Variants in RALGAPA1 observed in about 807,000 individuals in gnomAD.
The protein encoded by RALGAPA1 is Ral GTPase activating protein catalytic subunit alpha 1.
A neutral mutation model predicts 269.6 loss-of-function variants in RALGAPA1; 52 were observed. That is an observed-to-expected ratio of 0.19 (90% confidence interval 0.15 to 0.24). The LOEUF (loss-of-function observed/expected upper bound fraction) is 0.24. Ranked by LOEUF, RALGAPA1 falls within the 10% of genes least tolerant of loss-of-function variation. The pLI is 1.00. For missense variants in RALGAPA1, 1,917 were observed against 3,013.9 expected, an observed-to-expected ratio of 0.64 and a Z score of 8.52; for synonymous variants, 817 against 1,008.3, an observed-to-expected ratio of 0.81 and a Z score of 3.60.
At chr14:35,723,363 A>G (rs1453093739) in intron 14 of RALGAPA1, 99 bp from the exon 15 acceptor site, 1 of 654,322 alleles carries the variant, frequency 1.5e-6, no homozygotes, top group African/African-American at 1.8e-5. Flanking sequence ...AAAACAAGCA[A>G]CATTTAAAAT....
At chr14:35,638,652 C>T (rs4982297) in intron 31 of RALGAPA1, among the ~76,000 whole-genome samples, 151,590 of 152,276 alleles carry the variant, frequency 1, 75,454 homozygotes, top group East Asian at 1. Context: ...AGGCTGGGCA[C>T]GGCGGCTCAC....
chr14:35,750,669 T>C lies in RALGAPA1; in HGVS notation c.824A>G (p.Lys275Arg), dbSNP rs758107432. ...PILDIPQMRP[K>R]PHYVVIKKDA... The stretch of plus-strand genomic sequence containing the variant: ...TTTCTTTATCACGACATAATGTGGC[T>C]TTGGTCTCATCTGCGGGATGTCTGT... The change falls in exon 9 of 42, where the codon AAG (lysine) becomes AGG (arginine). Residue 275 changes from lysine (K) to arginine (R), a missense_variant. Transcript: ENST00000680220. The C allele has an allele frequency of 8.1e-6, 13 of 1,612,044 alleles. No individual in the cohort carries two copies. The South Asian group carries it at 1.3e-4, about 16-fold the overall frequency.
rs544164267 is a variant in RALGAPA1 at position 35,742,697 on chromosome 14, CAA to C, written c.1252-134_1252-133del. On this transcript the variant is annotated intron_variant, in intron 10 of 41. Coordinates refer to ENST00000680220, the MANE Select transcript of RALGAPA1 (RefSeq NM_001346249.2). ...CTTTAAGCAAAACAATGACATAAAA[CAA>C]AACTCATTTTGCCATAAGCTAATTG... 541 of 623,546 alleles carry C rather than the reference CAA, an allele frequency of 8.7e-4. 5 individuals carry two copies. Among genetic ancestry groups the C allele is most frequent in the African/African-American group, 8.5e-3 (438 of 51,524 alleles). The allele number at this position is 623,546 out of a possible 1,614,324, so 38.6% of individuals were successfully genotyped here. A position where few individuals can be genotyped will look rare whatever the true frequency, so the allele number is the denominator to read the frequency against.
At chr14:35,616,659 T>G (rs773574767) in intron 35 of RALGAPA1, among the ~76,000 whole-genome samples, 12 of 152,186 alleles carry the variant, frequency 7.9e-5, no homozygotes, top group Admixed American at 3.9e-4. Context: ...CTCTGTACTT[T>G]CCTATCAGTT....
At chr14:35,683,574 T>C (rs981301878) in intron 21 of RALGAPA1, 4 of 358,244 alleles carry the variant, frequency 1.1e-5, no homozygotes, top group African/African-American at 2.1e-5. Context: ...AGTGCATATA[T>C]ATACAAAATA....
At chr14:35,694,609 C>T (rs1426716407) in intron 17 of RALGAPA1, among the ~76,000 whole-genome samples, 1 of 151,906 alleles carries the variant, frequency 6.6e-6, no homozygotes, top group African/African-American at 2.4e-5. Context: ...AAAATTTAGC[C>T]CAGTCGACTA....
chr14:35,751,672 T>G (rs2072702495), intron 8 of RALGAPA1, among the ~76,000 whole-genome samples: 1 of 151,874 alleles, frequency 6.6e-6, no homozygotes, highest in Non-Finnish European at 1.5e-5. Flanking sequence ...TCCTAGCTAC[T>G]GGGGAGGCTG....
At chr14:35,791,588 C>T (rs184066366) in intron 1 of RALGAPA1, among the ~76,000 whole-genome samples, 1 of 149,330 alleles carries the variant, frequency 6.7e-6, no homozygotes, top group Non-Finnish European at 1.5e-5. Flanking sequence ...GCCTGGGAGA[C>T]AAGAGCGAAA....
Position 35,808,917 on chromosome 14 carries a change from G to T in RALGAPA1, c.-82C>A. 2 of 1,539,412 alleles carry T rather than the reference G, an allele frequency of 1.3e-6. No individual in the cohort carries two copies. Among genetic ancestry groups the T allele is most frequent in the Non-Finnish European group, 1.7e-6 (2 of 1,143,882 alleles). ...CGGCAGAAAGTGGAGGGAGTGGACG[G>T]GGAGGAGACTAGCCAGAGAGGCTCA... is the stretch of plus-strand genomic sequence containing the variant. On this transcript the variant is annotated 5_prime_UTR_variant, in exon 1 of 42. Transcript: ENST00000680220.
At chr14:35,772,591 CTTACTA>C (rs897526624) in intron 3 of RALGAPA1, among the ~76,000 whole-genome samples, 4 of 152,124 alleles carry the variant, frequency 2.6e-5, no homozygotes, top group African/African-American at 9.7e-5. Flanking sequence ...TATTGCTGTT[CTTACTA>C]TTATTTAGAA....
chr14:35,554,764 T>C (rs537750642), intron 39 of RALGAPA1, among the ~76,000 whole-genome samples: 2 of 152,348 alleles, frequency 1.3e-5, no homozygotes, highest in South Asian at 2.1e-4. Context: ...ACTTATGTTA[T>C]TGAAATTTTT....
At chr14:35,561,101 C>T (rs957206710) in intron 39 of RALGAPA1, among the ~76,000 whole-genome samples, 1 of 151,632 alleles carries the variant, frequency 6.6e-6, no homozygotes, top group Non-Finnish European at 1.5e-5. Context: ...GTGGCAGGCA[C>T]CTGTAATCCC....
Position 35,556,574 on chromosome 14 carries a change from T to C in RALGAPA1, c.7497-7340A>G, listed in dbSNP as rs545646912. 2.6e-4 allele frequency among the ~76,000 whole-genome samples: 39 copies of C among 152,252 alleles called. 1 individual carries two copies. Among genetic ancestry groups the C allele is most frequent in the Non-Finnish European group, 1.5e-4 (10 of 68,034 alleles). On this transcript the variant is annotated intron_variant, in intron 39 of 41. Coordinates refer to ENST00000680220, the MANE Select transcript of RALGAPA1 (RefSeq NM_001346249.2). ...CAACAGGTTATGACAAATTATTGTC[T>C]ATTTTTATGATGCCTTATATTCATG... is the stretch of plus-strand genomic sequence containing the variant.
intron 1 of RALGAPA1, among the ~76,000 whole-genome samples, chr14:35,780,102 C>T (rs2075331538): frequency 7.5e-6 from 1 of 134,000 alleles, no homozygotes; most frequent in Non-Finnish European, 1.5e-5. Flanking sequence ...GCTAGACTGT[C>T]TCAAAAAAAA....
intron 27 of RALGAPA1, among the ~76,000 whole-genome samples, chr14:35,660,527 T>G (rs1460782730): frequency 6.6e-6 from 1 of 152,044 alleles, no homozygotes; most frequent in African/African-American, 2.4e-5. Context: ...AATAGAAACA[T>G]ATCTGTGTCC....
At chr14:35,602,133 T>A (rs548983140) in intron 36 of RALGAPA1, among the ~76,000 whole-genome samples, 1 of 152,372 alleles carries the variant, frequency 6.6e-6, no homozygotes, top group East Asian at 1.9e-4. Context: ...ATTCATGCTG[T>A]AGCACATAAT....
intron 21 of RALGAPA1, among the ~76,000 whole-genome samples, chr14:35,682,982 T>C (rs1595125570): frequency 6.6e-6 from 1 of 152,288 alleles, no homozygotes; most frequent in Admixed American, 6.5e-5. Flanking sequence ...GCTGAGGAAA[T>C]ATGCTTGACT....
intron 1 of RALGAPA1, among the ~76,000 whole-genome samples, chr14:35,782,376 T>C (rs991938269): frequency 3.9e-5 from 6 of 152,342 alleles, no homozygotes; most frequent in Middle Eastern, 3.4e-3. Context: ...GCTGTTAAGA[T>C]AGCAACAGCC....
chr14:35,725,512 C>T (rs1300997273), intron 13 of RALGAPA1, among the ~76,000 whole-genome samples: 1 of 152,130 alleles, frequency 6.6e-6, no homozygotes, highest in African/African-American at 2.4e-5. Flanking sequence ...TAGTTCTACC[C>T]AGATGGAATC....
Sources: allele counts gnomAD v4.1 joint callset (sites outside exome capture counted in the v4.1 genomes callset), GRCh38; gene constraint gnomAD v4.1.1; transcripts MANE v1.5; gene names NCBI Gene and HGNC (gene_info 2026-07-23, HGNC 2026-07-21).